PREX2: variants seen among roughly 807,000 people sequenced by gnomAD.
PREX2 encodes phosphatidylinositol-3,4,5-trisphosphate dependent Rac exchange factor 2.
In PREX2, 107 loss-of-function variants were observed where a neutral mutation model predicts 203.2. The ratio of observed to expected loss-of-function variants is 0.53; its 90% CI spans 0.45 to 0.62. PREX2 has a LOEUF of 0.62. Ranked by LOEUF, PREX2 falls within the 20% of genes least tolerant of loss-of-function variation. The probability of loss-of-function intolerance (pLI) is 0.00; values close to 1 mark genes in which losing one functional copy is unlikely to be tolerated. For missense variants in PREX2, 1,777 were observed against 1,955.9 expected, an observed-to-expected ratio of 0.91 and a Z score of 1.72; for synonymous variants, 672 against 663.6, an observed-to-expected ratio of 1.01 and a Z score of -0.19.
At chr8:68,040,480 C>T (rs1485679160) in intron 7 of PREX2, among the ~76,000 whole-genome samples, 1 of 152,118 alleles carries the variant, frequency 6.6e-6, no homozygotes, top group Non-Finnish European at 1.5e-5. Flanking sequence ...CTTGATTATG[C>T]CACATGTGCT....
chr8:67,960,142 A>C, intron 1 of PREX2, among the ~76,000 whole-genome samples: 1 of 151,960 alleles, frequency 6.6e-6, no homozygotes, highest in East Asian at 1.9e-4. Context: ...TCCGGGTTCA[A>C]GCGATTCTCC....
intron 1 of PREX2, among the ~76,000 whole-genome samples, chr8:67,997,970 A>G (rs1353360899): frequency 6.6e-5 from 10 of 152,076 alleles, no homozygotes; most frequent in Non-Finnish European, 1.3e-4. Context: ...AAAAAGTTTT[A>G]CCTTCTATTC....
chr8:68,127,849 T>A (rs1307063389), intron 31 of PREX2, among the ~76,000 whole-genome samples: 4 of 152,056 alleles, frequency 2.6e-5, no homozygotes, highest in African/African-American at 9.7e-5. Flanking sequence ...ATATTGGTAA[T>A]GGAAAATGAC....
intron 11 of PREX2, among the ~76,000 whole-genome samples, chr8:68,061,086 C>T (rs149219972): frequency 1.4e-4 from 22 of 152,176 alleles, no homozygotes; most frequent in African/African-American, 4.3e-4. Context: ...TCATGGAGGA[C>T]GGGACATGAC....
At chr8:68,080,391 GA>G in intron 15 of PREX2, 51 bp from the exon 16 acceptor site, 1 of 1,541,502 alleles carries the variant, frequency 6.5e-7, no homozygotes, top group South Asian at 1.1e-5. Flanking sequence ...TATTGAAAAT[GA>G]GTGCGATTTT....
chr8:68,023,312 T>G (rs1461318858), intron 4 of PREX2, among the ~76,000 whole-genome samples: 1 of 152,232 alleles, frequency 6.6e-6, no homozygotes, highest in African/African-American at 2.4e-5. Context: ...TTTCTGATTA[T>G]AGCCATGCTA....
intron 25 of PREX2, among the ~76,000 whole-genome samples, chr8:68,112,062 A>G (rs1270021736): frequency 1.3e-5 from 2 of 152,208 alleles, no homozygotes; most frequent in East Asian, 3.9e-4. Flanking sequence ...TACCTCTCTT[A>G]GAAATGAAAT....
rs1807849931 is a variant in PREX2, at chr8:68,030,485, G to C, written c.544-12G>C. 3 of 1,609,840 alleles carry C rather than the reference G, an allele frequency of 1.9e-6. No individual in the cohort carries two copies. The highest frequency in any genetic ancestry group is 8.5e-7 in the Non-Finnish European group (1 of 1,177,810). ...AGATCAAAGGGCGATTTGTTTTTTT[G>C]TGTATAAACAGGAGTTGCTGAAGCG... On this transcript the variant is annotated splice_polypyrimidine_tract_variant and intron_variant, in intron 5 of 39. Transcript: ENST00000288368.
chr8:68,173,183 C>T (rs569476897), intron 35 of PREX2, among the ~76,000 whole-genome samples: 1 of 152,276 alleles, frequency 6.6e-6, no homozygotes, highest in South Asian at 2.1e-4. Flanking sequence ...AGTCATAACA[C>T]ATTGGCCATC....
chr8:68,043,674 C>A (rs910548074), intron 7 of PREX2, among the ~76,000 whole-genome samples: 1 of 151,940 alleles, frequency 6.6e-6, no homozygotes, highest in Non-Finnish European at 1.5e-5. Flanking sequence ...ATTTTTTAAT[C>A]CCCTTGAATC....
intron 30 of PREX2, among the ~76,000 whole-genome samples, chr8:68,124,837 G>A (rs1165052795): frequency 1.3e-5 from 2 of 152,024 alleles, no homozygotes; most frequent in Non-Finnish European, 2.9e-5. Flanking sequence ...GAATTTGGGT[G>A]CCACTCTTGG....
chr8:68,108,987 T>C (rs779347617), intron 24 of PREX2: 24 of 443,890 alleles, frequency 5.4e-5, no homozygotes, highest in Non-Finnish European at 1.0e-4. Flanking sequence ...ATATGAGAAA[T>C]ATAAAAAAGT....
intron 30 of PREX2, among the ~76,000 whole-genome samples, chr8:68,123,469 A>G (rs932683838): frequency 2.0e-5 from 3 of 152,058 alleles, no homozygotes; most frequent in Non-Finnish European, 2.9e-5. Context: ...GAAAAAATTA[A>G]TAAAGTAGAT....
intron 27 of PREX2, 187 bp downstream of exon 27, chr8:68,118,831 G>T: frequency 1.4e-6 from 1 of 728,254 alleles, no homozygotes; most frequent in South Asian, 1.4e-5. Context: ...CCATTTTAAA[G>T]GGAGTGAGTT....
chr8:68,206,384 T>C (rs542540453), intron 37 of PREX2, among the ~76,000 whole-genome samples: 2 of 152,300 alleles, frequency 1.3e-5, no homozygotes, highest in South Asian at 4.1e-4. Context: ...GAGCTAGAAA[T>C]ATGAAGCACA....
At chr8:68,163,491 A>G (rs1038936927) in intron 35 of PREX2, among the ~76,000 whole-genome samples, 7 of 152,236 alleles carry the variant, frequency 4.6e-5, no homozygotes, top group Non-Finnish European at 8.8e-5. Context: ...TTTCATAAGG[A>G]GGCCAATTTC....
chr8:68,000,564 C>G (rs768041755), intron 1 of PREX2, among the ~76,000 whole-genome samples: 4 of 152,132 alleles, frequency 2.6e-5, no homozygotes, highest in Non-Finnish European at 5.9e-5. Context: ...TTTAAACTAC[C>G]AATGATATTG....
chr8:68,115,775 TCTC>T lies in PREX2; in HGVS notation c.3172_3174del (p.Pro1058del), dbSNP rs1408852514. The stretch of plus-strand genomic sequence containing the variant: ...CAGCCTTCTGTCTTCAATAACATAT[TCTC>T]CTAAATTAGAACGTAAGACATCAGA... On this transcript the variant is annotated inframe_deletion, in exon 26 of 40. Coordinates refer to ENST00000288368, the MANE Select transcript of PREX2 (RefSeq NM_024870.4). 1.9e-6 allele frequency: 3 copies of T among 1,608,956 alleles called. No individual in the cohort carries two copies. The highest frequency in any genetic ancestry group is 1.7e-6 in the Non-Finnish European group (2 of 1,178,626).
intron 13 of PREX2, among the ~76,000 whole-genome samples, chr8:68,071,677 T>G (rs1477624736): frequency 6.6e-6 from 1 of 152,178 alleles, no homozygotes; most frequent in Non-Finnish European, 1.5e-5. Context: ...CTGGGAAATC[T>G]ACTGAACGGA....
Sources: allele counts gnomAD v4.1 joint callset (sites outside exome capture counted in the v4.1 genomes callset), GRCh38; gene constraint gnomAD v4.1.1; transcripts MANE v1.5; gene names NCBI Gene and HGNC (gene_info 2026-07-23, HGNC 2026-07-21).